The following STAU2 variants were observed in gnomAD, a reference collection of about 807,000 sequenced individuals.
STAU2 encodes the protein double-stranded RNA-binding protein Staufen homolog 2.
A neutral mutation model predicts 65.9 loss-of-function variants in STAU2; 20 were observed. The observed-to-expected ratio is 0.30, with a 90% CI of 0.21 to 0.44. The LOEUF (loss-of-function observed/expected upper bound fraction) is 0.44. Ranked by LOEUF, STAU2 falls within the 20% of genes least tolerant of loss-of-function variation. The pLI is 1.00. For missense variants in STAU2, 558 were observed against 683.9 expected (o/e 0.82, Z 2.05); for synonymous variants, 232 against 233.9 (o/e 0.99, Z 0.07).
At position 73,498,833 on chromosome 8, in the gene STAU2, G is replaced by A. The variant is rs1395108104; in HGVS notation, c.1530+53179C>T. Among the ~76,000 whole-genome samples the A allele has an allele frequency of 2.6e-5, 4 of 151,702 alleles. 1 individual carries two copies. Among genetic ancestry groups the A allele is most frequent in the South Asian group, 4.2e-4 (2 of 4,816 alleles). ...CATTGAGCAGCTAAGGGAATGTGACGGTTAATTTTATGTGTTAACTTGGCT... is the reference window on the plus strand; with the variant it reads ...CATTGAGCAGCTAAGGGAATGTGACAGTTAATTTTATGTGTTAACTTGGCT... On this transcript the variant is annotated intron_variant, in intron 13 of 14. Coordinates refer to ENST00000524300, the MANE Select transcript of STAU2 (RefSeq NM_001164380.2).
chr8:73,693,775 T>C (rs1297351083), intron 4 of STAU2, among the ~76,000 whole-genome samples: 1 of 152,274 alleles, frequency 6.6e-6, no homozygotes, highest in Admixed American at 6.5e-5. Context: ...ATTTACTATG[T>C]ACAACACTGG....
intron 13 of STAU2, chr8:73,527,900 CACTTT>C (rs1805549611): frequency 5.7e-5 from 3 of 52,600 alleles, no homozygotes; most frequent in Admixed American, 4.6e-4. Flanking sequence ...TCACAGAACA[CACTTT>C]AAATATTTAA....
chr8:73,672,456 A>G (rs1228821275), intron 6 of STAU2: 2 of 152,200 alleles, frequency 1.3e-5, no homozygotes, highest in Non-Finnish European at 2.9e-5. Flanking sequence ...AAGTCATCAA[A>G]TAAAGTATAA....
chr8:73,719,176 G>T (rs1481851223), intron 3 of STAU2, among the ~76,000 whole-genome samples: 1 of 152,294 alleles, frequency 6.6e-6, no homozygotes, highest in East Asian at 1.9e-4. Context: ...GGCCGAGGCA[G>T]GTGGATCACA....
At chr8:73,644,343 G>A (rs909803279) in intron 6 of STAU2, among the ~76,000 whole-genome samples, 4 of 152,084 alleles carry the variant, frequency 2.6e-5, no homozygotes, top group South Asian at 4.1e-4. Flanking sequence ...CACTCAGGAG[G>A]CTGAAGCAGA....
intron 13 of STAU2, among the ~76,000 whole-genome samples, chr8:73,532,767 C>A (rs1317439292): frequency 1.3e-5 from 2 of 152,186 alleles, no homozygotes; most frequent in Non-Finnish European, 2.9e-5. Context: ...ACAACCACTC[C>A]CTTTATCTTA....
chr8:73,705,988 C>T (rs990127559), intron 4 of STAU2, among the ~76,000 whole-genome samples: 1 of 152,120 alleles, frequency 6.6e-6, no homozygotes, highest in Non-Finnish European at 1.5e-5. Flanking sequence ...CGGGATGAGA[C>T]TCAGGCATAA....
In STAU2 at chr8:73,477,804, G is replaced by A. The variant is rs150021271; in HGVS notation, c.1531-55102C>T. On this transcript the variant is annotated intron_variant, in intron 13 of 14. Coordinates refer to ENST00000524300, the MANE Select transcript of STAU2 (RefSeq NM_001164380.2). ...ATTAGGCAATTGGGTGGGTCTTGCTGCCCTTCTTTGTGGCAAGTAAGGAAT... is the reference window on the plus strand; with the variant it reads ...ATTAGGCAATTGGGTGGGTCTTGCTACCCTTCTTTGTGGCAAGTAAGGAAT... Among the ~76,000 whole-genome samples the A allele has an allele frequency of 8.9e-4, 136 of 152,258 alleles. 3 individuals are homozygous for A. In the East Asian group the frequency reaches 0.024, roughly 27 times the overall value.
intron 1 of STAU2, among the ~76,000 whole-genome samples, chr8:73,744,736 T>C (rs2130800178): frequency 6.6e-6 from 1 of 152,302 alleles, no homozygotes; most frequent in East Asian, 1.9e-4. Context: ...AGGATCACAA[T>C]GTATGTAACT....
At chr8:73,743,559 C>T (rs1807039257) in intron 1 of STAU2, among the ~76,000 whole-genome samples, 1 of 150,538 alleles carries the variant, frequency 6.6e-6, no homozygotes, top group African/African-American at 2.5e-5. Context: ...CCGCAAGATC[C>T]GCCTCCTGGT....
intron 5 of STAU2, among the ~76,000 whole-genome samples, chr8:73,684,773 C>T (rs1818675779): frequency 6.6e-6 from 1 of 151,950 alleles, no homozygotes; most frequent in Non-Finnish European, 1.5e-5. Flanking sequence ...AAAATAATGC[C>T]ATCAAAAAGT....
chr8:73,741,956 C>T (rs1241849544), intron 1 of STAU2, among the ~76,000 whole-genome samples: 1 of 152,204 alleles, frequency 6.6e-6, no homozygotes, highest in Non-Finnish European at 1.5e-5. Context: ...AATTAAAACA[C>T]ATGAAACTAA....
intron 4 of STAU2, 39 bp downstream of exon 4, chr8:73,708,993 C>T (rs2130643471): frequency 6.9e-7 from 1 of 1,447,308 alleles, no homozygotes. Flanking sequence ...ATCTGTTAGT[C>T]TGATAAGTAT....
intron 6 of STAU2, chr8:73,651,574 C>G: frequency 1.2e-6 from 1 of 817,676 alleles, no homozygotes. Flanking sequence ...CTTGGGCACC[C>G]CTGCCTGGGC....
chr8:73,688,206 C>A (rs576958915), intron 5 of STAU2, among the ~76,000 whole-genome samples: 206 of 130,798 alleles, frequency 1.6e-3, no homozygotes, highest in African/African-American at 5.9e-3. Flanking sequence ...GATGGAGTTT[C>A]GCTCTTGTTG....
intron 7 of STAU2, among the ~76,000 whole-genome samples, chr8:73,617,075 T>A (rs988835336): frequency 1.3e-5 from 2 of 151,734 alleles, no homozygotes; most frequent in Non-Finnish European, 2.9e-5. Flanking sequence ...CTCATATACA[T>A]CCCCAAATCC....
chr8:73,439,132 G>C, intron 13 of STAU2: 1 of 431,650 alleles, frequency 2.3e-6, no homozygotes, highest in Non-Finnish European at 4.7e-6. Context: ...GACTCTTCGT[G>C]GGGAGAAAAT....
intron 6 of STAU2, among the ~76,000 whole-genome samples, chr8:73,656,952 G>C (rs1313957414): frequency 6.6e-6 from 1 of 152,198 alleles, no homozygotes; most frequent in South Asian, 2.1e-4. Context: ...AGACAAAGCA[G>C]AGTTCAAGCA....
In STAU2 at chr8:73,655,639, C is replaced by CTTT. The variant is rs71269930; in HGVS notation, c.410+17465_410+17467dup. Among the ~76,000 whole-genome samples the CTTT allele has an allele frequency of 5.3e-4, 55 of 104,750 alleles. 1 individual carries two copies. Among genetic ancestry groups the CTTT allele is most frequent in the African/African-American group, 9.1e-4 (23 of 25,242 alleles). 68.7% of individuals were successfully genotyped at this position (104,750 alleles called of 152,430 possible). A position where few individuals can be genotyped will look rare whatever the true frequency, so the allele number is the denominator to read the frequency against. On this transcript the variant is annotated intron_variant, in intron 6 of 14. Transcript: ENST00000524300. ...AACAAATATTATAATTTTAATACAT[C>CTTT]TTTTTTTTTTTTTTTTTTTTTTTTT...
Sources: allele counts gnomAD v4.1 joint callset (sites outside exome capture counted in the v4.1 genomes callset), GRCh38; gene constraint gnomAD v4.1.1; transcripts MANE v1.5; gene names NCBI Gene and HGNC (gene_info 2026-07-23, HGNC 2026-07-21).